DLGAP2: variants seen among roughly 807,000 people sequenced by gnomAD.
The protein encoded by DLGAP2 is DLG associated protein 2, also known as disks large-associated protein 2.
In DLGAP2, 26 loss-of-function variants were observed where a neutral mutation model predicts 100.3. That is an observed-to-expected ratio of 0.26 (90% CI 0.19 to 0.36). The LOEUF is 0.36. DLGAP2 is among the 10% of genes least tolerant of loss of function. The probability of loss-of-function intolerance (pLI) is 1.00; values close to 1 mark genes in which losing one functional copy is unlikely to be tolerated. For synonymous variants in DLGAP2, 886 were observed against 630.1 expected, an observed-to-expected ratio of 1.41 and a Z score of -6.08; for missense variants, 1,858 against 1,453.2, an observed-to-expected ratio of 1.28 and a Z score of -4.53.
chr8:1,205,709 G>T (rs1217908332), intron 2 of DLGAP2, among the ~76,000 whole-genome samples: 1 of 152,220 alleles, frequency 6.6e-6, no homozygotes, highest in South Asian at 2.1e-4. Flanking sequence ...ATTCGGACAG[G>T]TTCTCAGCGT....
chr8:1,431,729 T>C (rs1797448089), intron 3 of DLGAP2, among the ~76,000 whole-genome samples: 1 of 151,702 alleles, frequency 6.6e-6, no homozygotes, highest in South Asian at 2.1e-4. Context: ...TCCTGGGCTA[T>C]TGGGCAGCTT....
intron 2 of DLGAP2, among the ~76,000 whole-genome samples, chr8:1,164,797 G>A (rs565908937): frequency 1.2e-4 from 19 of 152,260 alleles, no homozygotes; most frequent in South Asian, 4.2e-4. Flanking sequence ...CGACTGCTGC[G>A]TGTGGAAAGT....
chr8:1,101,654 G>A (rs893175383), intron 2 of DLGAP2, among the ~76,000 whole-genome samples: 3 of 151,758 alleles, frequency 2.0e-5, no homozygotes, highest in African/African-American at 7.3e-5. Flanking sequence ...ACGATGGGAA[G>A]GTCCTCGTCA....
chr8:946,269 G>GTTT lies in DLGAP2; in HGVS notation c.73+38317_73+38319dup, dbSNP rs767524745. Among the ~76,000 whole-genome samples the GTTT allele has an allele frequency of 1.2e-3, 170 of 140,166 alleles. 1 individual carries two copies. Among genetic ancestry groups the GTTT allele is most frequent in the African/African-American group, 4.0e-3 (152 of 37,924 alleles). 92.0% of individuals were successfully genotyped at this position (140,166 alleles called of 152,430 possible). ...CTGTGAGAATAGTGCTGTTTCTTAGGTTTTTTTTTTTTTTTTGACAGTCTC... is the reference window on the plus strand; with the variant it reads ...CTGTGAGAATAGTGCTGTTTCTTAGGTTTTTTTTTTTTTTTTTTTGACAGTCTC... On this transcript the variant is annotated intron_variant, in intron 2 of 14. Coordinates refer to ENST00000637795, the MANE Select transcript of DLGAP2 (RefSeq NM_001346810.2).
chr8:1,381,368 T>C (rs1281022477), intron 3 of DLGAP2: 1 of 152,202 alleles, frequency 6.6e-6, no homozygotes, highest in African/African-American at 2.4e-5. Flanking sequence ...TATTAAACAT[T>C]TCTGTGGGCC....
intron 2 of DLGAP2, among the ~76,000 whole-genome samples, chr8:1,258,444 G>C (rs189640233): frequency 2.0e-5 from 3 of 151,854 alleles, no homozygotes; most frequent in Non-Finnish European, 4.4e-5. Context: ...TGGGTGGGGG[G>C]GAAGAGGGGA....
intron 3 of DLGAP2, among the ~76,000 whole-genome samples, chr8:1,497,447 C>T (rs76318937): frequency 1.5e-4 from 23 of 152,176 alleles, no homozygotes; most frequent in South Asian, 6.2e-4. Context: ...CAGCAGCCAA[C>T]GTTGGCTTCC....
At chr8:1,451,921 C>G (rs1327887112) in intron 3 of DLGAP2, among the ~76,000 whole-genome samples, 1 of 152,264 alleles carries the variant, frequency 6.6e-6, no homozygotes, top group Non-Finnish European at 1.5e-5. Context: ...AGGCCCCACA[C>G]CCTGCTCTCT....
chr8:1,306,112 G>C (rs930237861), intron 3 of DLGAP2, among the ~76,000 whole-genome samples: 1 of 135,278 alleles, frequency 7.4e-6, no homozygotes, highest in Non-Finnish European at 1.6e-5. Context: ...AGAAAAAATA[G>C]AAAATCATCC....
chr8:1,481,471 C>T (rs796776035), intron 3 of DLGAP2, among the ~76,000 whole-genome samples: 27 of 43,690 alleles, frequency 6.2e-4, no homozygotes, highest in South Asian at 1.3e-3. Context: ...TTTTCTTTTT[C>T]TTTTTTTTTT....
At chr8:1,131,911 C>G (rs1233475301) in intron 2 of DLGAP2, among the ~76,000 whole-genome samples, 1 of 152,094 alleles carries the variant, frequency 6.6e-6, no homozygotes, top group Non-Finnish European at 1.5e-5. Flanking sequence ...TGACAGATAC[C>G]TTAATTAGAA....
chr8:1,302,674 A>G (rs1200420784), intron 3 of DLGAP2: 1 of 152,236 alleles, frequency 6.6e-6, no homozygotes, highest in Non-Finnish European at 1.5e-5. Context: ...TCCTCTATTT[A>G]GTCATCAGAT....
chr8:1,309,478 A>T (rs1000101607), intron 3 of DLGAP2, among the ~76,000 whole-genome samples: 2 of 152,200 alleles, frequency 1.3e-5, no homozygotes, highest in South Asian at 2.1e-4. Flanking sequence ...AGAAAAAAAA[A>T]TTTTAAGAAG....
intron 4 of DLGAP2, among the ~76,000 whole-genome samples, chr8:1,528,344 G>C (rs995576430): frequency 6.6e-6 from 1 of 152,230 alleles, no homozygotes; most frequent in Non-Finnish European, 1.5e-5. Flanking sequence ...GGCCTGGAGT[G>C]AACAGGGCAT....
intron 2 of DLGAP2, among the ~76,000 whole-genome samples, chr8:1,255,181 TCA>T (rs1799165410): frequency 2.0e-5 from 2 of 100,048 alleles, no homozygotes; most frequent in Non-Finnish European, 3.7e-5. Context: ...GTGTGCCCTC[TCA>T]TCCTGCCTGG....
At chr8:1,407,591 G>T (rs1461506712) in intron 3 of DLGAP2, among the ~76,000 whole-genome samples, 1 of 104,130 alleles carries the variant, frequency 9.6e-6, no homozygotes, top group Non-Finnish European at 2.0e-5. Flanking sequence ...AGTGCTTACT[G>T]AGCGCCACCT....
intron 4 of DLGAP2, among the ~76,000 whole-genome samples, chr8:1,542,464 G>A (rs1242067014): frequency 6.6e-6 from 1 of 152,206 alleles, no homozygotes; most frequent in Non-Finnish European, 1.5e-5. Context: ...TGCCTGTTCT[G>A]CACACTTCAT....
At chr8:1,444,562 G>C (rs536824577) in intron 3 of DLGAP2, among the ~76,000 whole-genome samples, 2 of 152,014 alleles carry the variant, frequency 1.3e-5, no homozygotes, top group South Asian at 2.1e-4. Flanking sequence ...ATCCTTCAAA[G>C]AGCACATTGA....
intron 1 of DLGAP2, among the ~76,000 whole-genome samples, chr8:896,189 T>G (rs1389344526): frequency 3.0e-5 from 3 of 101,144 alleles, no homozygotes; most frequent in African/African-American, 8.2e-5. Flanking sequence ...GTGAGAGGTG[T>G]CAATCCCCAG....
Sources: allele counts gnomAD v4.1 joint callset (sites outside exome capture counted in the v4.1 genomes callset), GRCh38; gene constraint gnomAD v4.1.1; transcripts MANE v1.5; gene names NCBI Gene and HGNC (gene_info 2026-07-23, HGNC 2026-07-21).